Variants in CDKL3 observed in about 807,000 individuals in gnomAD.
CDKL3 encodes cyclin-dependent kinase-like 3.
Under a neutral mutation model 69.3 loss-of-function variants are expected in CDKL3, and 65 were observed. That is an observed-to-expected ratio of 0.94 (90% confidence interval 0.77 to 1.15). CDKL3 has a LOEUF of 1.15. Among genes scored for constraint, CDKL3 ranks in the 50% most tolerant of loss-of-function variants. The pLI, the probability that CDKL3 is intolerant of heterozygous loss-of-function variation, is 0.00. For synonymous variants in CDKL3, 202 were observed against 221.6 expected (o/e 0.91, Z 0.79); for missense variants, 652 against 689.2 (o/e 0.95, Z 0.61).
At chr5:134,311,890 G>A (rs1181679475) in intron 7 of CDKL3, among the ~76,000 whole-genome samples, 2 of 152,122 alleles carry the variant, frequency 1.3e-5, no homozygotes, top group East Asian at 3.8e-4. Flanking sequence ...CACCTCTGGG[G>A]TTTAAGCAAT....
chr5:134,299,638 A>G, intron 12 of CDKL3: 1 of 1,487,950 alleles, frequency 6.7e-7, no homozygotes, highest in South Asian at 1.3e-5. Flanking sequence ...AATAAAAAGG[A>G]TTTTTAAAAA....
At chr5:134,365,005 C>CA (rs576846561) in intron 2 of CDKL3, among the ~76,000 whole-genome samples, 94 of 147,206 alleles carry the variant, frequency 6.4e-4, no homozygotes, top group African/African-American at 1.8e-3. Context: ...TCTTTTGAGA[C>CA]AGAGTCTTGC....
Position 134,302,617 on chromosome 5 carries a change from G to C in CDKL3, c.1692C>G (p.Asn564Lys), listed in dbSNP as rs776861447. 2.5e-6 allele frequency: 4 copies of C among 1,593,246 alleles called. No individual in the cohort carries two copies. The highest frequency in any genetic ancestry group is 1.7e-5 in the Admixed American group (1 of 58,474). The change falls in exon 12 of 13, where the codon AAC (asparagine) becomes AAG (lysine). Residue 564 changes from asparagine to lysine, a missense_variant. Asn to Lys is a moderately conservative substitution (Grantham distance 94). Transcript: ENST00000265334. ...TESSKIPTLLNVDQNQEKQEG... is the reference protein window; with the variant it reads ...TESSKIPTLLKVDQNQEKQEG... ...CTTGTTTTTCTTGATTTTGATCCAC[G>C]TTAAGTAAAGTTGGTATCTTAGATG...
intron 6 of CDKL3, among the ~76,000 whole-genome samples, chr5:134,315,945 T>G (rs1282088733): frequency 1.3e-5 from 2 of 152,028 alleles, no homozygotes; most frequent in Non-Finnish European, 2.9e-5. Flanking sequence ...GCTTACTAAA[T>G]CCACTTCTAA....
rs576572857 is a variant in CDKL3 at position 134,308,140 on chromosome 5, C to T, written c.1362G>A (p.Val454=). ...GTTTCTTCTCTGTTACAGCTCACCT[C>T]ACACTGGGGTGAAAGAGATTTGAAC... is the stretch of plus-strand genomic sequence containing the variant. ...NLSSNLFHPS[V]RLTERAKKRR... Residue 454 remains valine (V), a splice_region_variant and synonymous_variant, in exon 9 of 13, where the codon GTG becomes GTA. Transcript: ENST00000265334. 2 of 1,609,778 alleles carry T rather than the reference C, an allele frequency of 1.2e-6. No individual in the cohort carries two copies. Among genetic ancestry groups the T allele is most frequent in the Admixed American group, 3.4e-5 (2 of 59,376 alleles).
chr5:134,330,383 T>C (rs1369867449), intron 4 of CDKL3, among the ~76,000 whole-genome samples: 2 of 152,180 alleles, frequency 1.3e-5, no homozygotes, highest in Non-Finnish European at 2.9e-5. Flanking sequence ...ATGGACACTC[T>C]GGTGAAGCTT....
upstream of CDKL3, chr5:134,367,292 A>C (rs763898198): frequency 3.1e-6 from 3 of 976,536 alleles, no homozygotes; most frequent in Non-Finnish European, 3.6e-6. Context: ...GGAATGGGGG[A>C]GGGGAGTACA....
intron 4 of CDKL3, among the ~76,000 whole-genome samples, chr5:134,335,745 G>A (rs1248335874): frequency 2.0e-5 from 3 of 152,136 alleles, no homozygotes; most frequent in Non-Finnish European, 4.4e-5. Flanking sequence ...CTCTCTGGCT[G>A]CCCTTAACAT....
chr5:134,341,495 A>T (rs1750474462), intron 4 of CDKL3, among the ~76,000 whole-genome samples: 1 of 152,272 alleles, frequency 6.6e-6, no homozygotes, highest in African/African-American at 2.4e-5. Flanking sequence ...CATGATAATG[A>T]TATGAGTTAA....
chr5:134,306,749 GCT>G, intron 9 of CDKL3, 47 bp from the exon 10 acceptor site: 4 of 291,418 alleles, frequency 1.4e-5, no homozygotes, highest in South Asian at 3.8e-5. Flanking sequence ...CCCCAGAAAT[GCT>G]TTTTTTTTTT....
intron 6 of CDKL3, 46 bp from the exon 7 acceptor site, chr5:134,312,426 C>CA: frequency 2.1e-6 from 2 of 969,196 alleles, no homozygotes; most frequent in Non-Finnish European, 3.1e-6. Context: ...CAACAGGGCT[C>CA]CATATGGTAA....
chr5:134,358,321 C>T (rs764202350), intron 3 of CDKL3, among the ~76,000 whole-genome samples: 55 of 152,180 alleles, frequency 3.6e-4, no homozygotes, highest in Non-Finnish European at 7.1e-4. Context: ...GCATTTTCTC[C>T]TCTACTCCAA....
intron 6 of CDKL3, among the ~76,000 whole-genome samples, chr5:134,313,419 G>A (rs748025935): frequency 6.6e-6 from 1 of 151,954 alleles, no homozygotes; most frequent in African/African-American, 2.4e-5. Flanking sequence ...ACCAGACAAC[G>A]CTCCAGCTTT....
At chr5:134,297,890 T>TTGTGTGTG (rs528154005), downstream of CDKL3, among the ~76,000 whole-genome samples, 40 of 105,196 alleles carry the variant, frequency 3.8e-4, no homozygotes, top group Admixed American at 4.1e-4. Context: ...CATGAATAGT[T>TTGTGTGTG]TGTGTGTGTG....
intron 12 of CDKL3, chr5:134,302,314 C>A: frequency 2.2e-6 from 1 of 460,408 alleles, no homozygotes; most frequent in Non-Finnish European, 4.2e-6. Flanking sequence ...ACTAGTCTGA[C>A]TTACCTGCCT....
upstream of CDKL3, chr5:134,371,545 G>T (rs746612335): frequency 6.3e-7 from 1 of 1,594,734 alleles, no homozygotes; most frequent in African/African-American, 1.3e-5. Context: ...GGGTGGGGGG[G>T]CTGCGCGGGA....
chr5:134,290,161 C>T (rs539846942), intron 8 of CDKL3, among the ~76,000 whole-genome samples: 202 of 152,066 alleles, frequency 1.3e-3, no homozygotes, highest in Non-Finnish European at 2.1e-3. Context: ...CAAGACCCTC[C>T]TGGCCAACAT....
intron 4 of CDKL3, among the ~76,000 whole-genome samples, chr5:134,322,979 C>CAAAAA (rs545839607): frequency 9.0e-6 from 1 of 110,870 alleles, no homozygotes. Flanking sequence ...AACTCAGTCT[C>CAAAAA]AAAAAAAAAA....
At chr5:134,314,590 G>A (rs1190659085) in intron 6 of CDKL3, among the ~76,000 whole-genome samples, 1 of 152,144 alleles carries the variant, frequency 6.6e-6, no homozygotes, top group Non-Finnish European at 1.5e-5. Flanking sequence ...TTAAAATGTG[G>A]TATAGTCATA....
Sources: gnomAD v4.1 joint callset for allele counts (sites outside exome capture counted in the v4.1 genomes callset) on GRCh38, gnomAD v4.1.1 for gene constraint, MANE v1.5 for transcripts, NCBI Gene and HGNC (gene_info 2026-07-23, HGNC 2026-07-21) for gene names.